The following AGMO variants were observed in gnomAD, a reference collection of about 807,000 sequenced individuals.
AGMO encodes alkylglycerol monooxygenase.
AGMO carries 75 observed loss-of-function variants against 60.2 expected under a neutral mutation model. The observed-to-expected ratio is 1.25, with a 90% CI of 1.03 to 1.51. The LOEUF is 1.51. Among genes scored for constraint, AGMO ranks in the 40% most tolerant of loss-of-function variants. AGMO has a pLI of 0.00. For missense variants in AGMO, 763 were observed against 525.5 expected, an observed-to-expected ratio of 1.45 and a Z score of -4.42; for synonymous variants, 261 against 177.1, an observed-to-expected ratio of 1.47 and a Z score of -3.76.
At chr7:15,375,765 C>T (rs1395640354) in intron 10 of AGMO, among the ~76,000 whole-genome samples, 1 of 152,024 alleles carries the variant, frequency 6.6e-6, no homozygotes, top group African/African-American at 2.4e-5. Context: ...TTGGGAGTTT[C>T]CAAAACAGAA....
the AGMO span, among the ~76,000 whole-genome samples, chr7:15,193,475 T>A: frequency 6.6e-6 from 1 of 152,182 alleles, no homozygotes; most frequent in Non-Finnish European, 1.5e-5. Context: ...TTTATCTCTT[T>A]TGAAACAGAA....
At chr7:15,293,653 T>G (rs1291611111) in intron 12 of AGMO, among the ~76,000 whole-genome samples, 2 of 152,318 alleles carry the variant, frequency 1.3e-5, no homozygotes, top group East Asian at 3.9e-4. Context: ...TATTCAGGTG[T>G]TCAAAGAAAG....
chr7:15,119,791 T>G, the AGMO span, among the ~76,000 whole-genome samples: 1 of 152,150 alleles, frequency 6.6e-6, no homozygotes, highest in South Asian at 2.1e-4. Context: ...TCTGAGCTAA[T>G]TATTTTATAT....
intron 3 of AGMO, among the ~76,000 whole-genome samples, chr7:15,490,595 T>C (rs538441841): frequency 2.6e-3 from 397 of 152,282 alleles, no homozygotes; most frequent in African/African-American, 8.6e-3. Flanking sequence ...TGGATCTTTT[T>C]TCATATAATG....
chr7:15,506,982 G>A (rs1446692466), intron 3 of AGMO, among the ~76,000 whole-genome samples: 1 of 151,720 alleles, frequency 6.6e-6, no homozygotes, highest in African/African-American at 2.4e-5. Flanking sequence ...GATCTGGCTG[G>A]GTCATTTAAA....
intron 12 of AGMO, among the ~76,000 whole-genome samples, chr7:15,297,801 G>A (rs1784446844): frequency 6.6e-6 from 1 of 152,130 alleles, no homozygotes; most frequent in African/African-American, 2.4e-5. Flanking sequence ...TTAATGAGTT[G>A]ACTGGAAAGT....
chr7:15,430,594 T>TG (rs200983719), intron 4 of AGMO, among the ~76,000 whole-genome samples: 2,077 of 74,340 alleles, frequency 0.028, 41 homozygotes, highest in African/African-American at 0.09. Flanking sequence ...GAGAATTAGT[T>TG]GTTTTTTTTA....
chr7:15,381,618 T>A (rs1055043770), intron 10 of AGMO, among the ~76,000 whole-genome samples: 3 of 152,104 alleles, frequency 2.0e-5, no homozygotes, highest in Non-Finnish European at 2.9e-5. Flanking sequence ...CAGTGTGGAA[T>A]TCCTCAAAGA....
At chr7:15,296,209 T>TAA (rs1784400573) in intron 12 of AGMO, among the ~76,000 whole-genome samples, 1 of 152,094 alleles carries the variant, frequency 6.6e-6, no homozygotes, top group Non-Finnish European at 1.5e-5. Context: ...ACATTATGCC[T>TAA]AAAAAGAGTA....
the AGMO span, among the ~76,000 whole-genome samples, chr7:15,174,416 G>A: frequency 1.3e-5 from 2 of 152,070 alleles, no homozygotes; most frequent in East Asian, 1.9e-4. Flanking sequence ...TTTAAACAGA[G>A]AATAAAAATA....
chr7:15,125,603 G>A, the AGMO span, among the ~76,000 whole-genome samples: 4 of 151,802 alleles, frequency 2.6e-5, no homozygotes, highest in South Asian at 2.1e-4. Flanking sequence ...TGCTTACCAG[G>A]TGTCTTCTGT....
intron 4 of AGMO, among the ~76,000 whole-genome samples, chr7:15,425,233 G>A (rs910853361): frequency 2.6e-5 from 4 of 152,002 alleles, no homozygotes; most frequent in African/African-American, 4.8e-5. Context: ...CTAAGCTAGC[G>A]TGGGACTCAG....
At chr7:15,223,663 A>T (rs1296839975) in intron 12 of AGMO, among the ~76,000 whole-genome samples, 3 of 151,928 alleles carry the variant, frequency 2.0e-5, no homozygotes, top group African/African-American at 7.2e-5. Context: ...ATAGAATAAG[A>T]CTCTGCTACA....
intron 12 of AGMO, among the ~76,000 whole-genome samples, chr7:15,246,981 C>G (rs968167009): frequency 6.6e-6 from 1 of 152,008 alleles, no homozygotes; most frequent in Non-Finnish European, 1.5e-5. Context: ...AATTTGTGTA[C>G]TTTCTGTAGA....
At chr7:15,272,827 T>C (rs1344898630) in intron 12 of AGMO, among the ~76,000 whole-genome samples, 1 of 152,198 alleles carries the variant, frequency 6.6e-6, no homozygotes, top group Non-Finnish European at 1.5e-5. Flanking sequence ...TGATCGCCAT[T>C]CTAACTGGTG....
chr7:15,296,319 A>T (rs570228525), intron 12 of AGMO, among the ~76,000 whole-genome samples: 1 of 152,304 alleles, frequency 6.6e-6, no homozygotes, highest in South Asian at 2.1e-4. Context: ...TATCTGACTA[A>T]ATTACAAGTT....
intron 12 of AGMO, among the ~76,000 whole-genome samples, chr7:15,211,272 C>G (rs1176784267): frequency 6.6e-6 from 1 of 151,852 alleles, no homozygotes; most frequent in Non-Finnish European, 1.5e-5. Context: ...TATTATGCTA[C>G]TATTCTTGCT....
chr7:15,259,433 A>G (rs1783202970), intron 12 of AGMO, among the ~76,000 whole-genome samples: 1 of 152,164 alleles, frequency 6.6e-6, no homozygotes, highest in Admixed American at 6.5e-5. Context: ...ACCTAAGAAT[A>G]ATTTGTGTTC....
intron 12 of AGMO, among the ~76,000 whole-genome samples, chr7:15,360,290 ACTCG>A: frequency 6.6e-6 from 1 of 152,284 alleles, no homozygotes; most frequent in African/African-American, 2.4e-5. Flanking sequence ...CAATAAGTAC[ACTCG>A]ACCCTTGAAC....
Sources: gnomAD v4.1 joint callset for allele counts (sites outside exome capture counted in the v4.1 genomes callset) on GRCh38, gnomAD v4.1.1 for gene constraint, MANE v1.5 for transcripts, NCBI Gene and HGNC (gene_info 2026-07-23, HGNC 2026-07-21) for gene names.